The following GLRA3 variants were observed in gnomAD, a reference collection of about 807,000 sequenced individuals.
The protein encoded by GLRA3 is glycine receptor subunit alpha-3.
GLRA3 carries 44 observed loss-of-function variants against 60.4 expected under a neutral mutation model. That is an observed-to-expected ratio of 0.73 (90% CI 0.57 to 0.94). GLRA3 has a LOEUF of 0.94. GLRA3 is among the 40% of genes least tolerant of loss of function. The probability of loss-of-function intolerance (pLI) is 0.00; values close to 1 mark genes in which losing one functional copy is unlikely to be tolerated. For missense variants in GLRA3, 508 were observed against 564.6 expected, an observed-to-expected ratio of 0.90 and a Z score of 1.02; for synonymous variants, 223 against 192.9, an observed-to-expected ratio of 1.16 and a Z score of -1.29.
chr4:174,792,618 C>A (rs561164611), intron 1 of GLRA3, among the ~76,000 whole-genome samples: 1 of 152,120 alleles, frequency 6.6e-6, no homozygotes, highest in African/African-American at 2.4e-5. Flanking sequence ...CAATGCTTTC[C>A]GTTTAACATT....
At chr4:174,700,779 G>C (rs982379201) in intron 5 of GLRA3, among the ~76,000 whole-genome samples, 1 of 152,190 alleles carries the variant, frequency 6.6e-6, no homozygotes, top group African/African-American at 2.4e-5. Context: ...TGAGTGGTCT[G>C]CATAGATCAA....
At chr4:174,696,646 G>T (rs2111032634) in intron 5 of GLRA3, among the ~76,000 whole-genome samples, 1 of 151,998 alleles carries the variant, frequency 6.6e-6, no homozygotes, top group African/African-American at 2.4e-5. Context: ...CATGAGATTA[G>T]ATAAAAAACC....
chr4:174,783,336 T>G (rs578104394), intron 2 of GLRA3, among the ~76,000 whole-genome samples: 1 of 137,612 alleles, frequency 7.3e-6, no homozygotes, highest in Admixed American at 7.2e-5. Flanking sequence ...GATTAAAGAC[T>G]TACATGTTAG....
intron 3 of GLRA3, 148 bp from the exon 4 acceptor site, chr4:174,728,846 C>T (rs1736432629): frequency 3.6e-6 from 2 of 556,512 alleles, no homozygotes; most frequent in South Asian, 5.2e-5. Context: ...ATGGAGGAGG[C>T]TATACAAGTG....
chr4:174,715,158 C>T (rs765821167), intron 5 of GLRA3, among the ~76,000 whole-genome samples: 1 of 152,122 alleles, frequency 6.6e-6, no homozygotes, highest in Non-Finnish European at 1.5e-5. Flanking sequence ...ATAGACACTT[C>T]GTTGAGAAGA....
chr4:174,743,905 C>A (rs1737124682), intron 3 of GLRA3, among the ~76,000 whole-genome samples: 1 of 150,096 alleles, frequency 6.7e-6, no homozygotes, highest in Non-Finnish European at 1.5e-5. Context: ...AGAACAGGAC[C>A]CCCTCTCTTG....
At chr4:174,725,219 C>T (rs1031374158) in intron 4 of GLRA3, among the ~76,000 whole-genome samples, 5 of 152,204 alleles carry the variant, frequency 3.3e-5, no homozygotes, top group Admixed American at 6.5e-5. Context: ...ATCTCTGTTG[C>T]TCAGATTGGG....
At chr4:174,820,565 T>C (rs1312377845) in intron 1 of GLRA3, among the ~76,000 whole-genome samples, 1 of 152,116 alleles carries the variant, frequency 6.6e-6, no homozygotes. Flanking sequence ...AGAGGAAGCA[T>C]CCTCACCTAG....
intron 3 of GLRA3, among the ~76,000 whole-genome samples, chr4:174,749,212 C>T (rs1737365816): frequency 6.6e-6 from 1 of 152,122 alleles, no homozygotes; most frequent in South Asian, 2.1e-4. Context: ...CTGATTCAGG[C>T]AAGGGTAGCA....
chr4:174,710,068 C>T (rs1735658929), intron 5 of GLRA3, among the ~76,000 whole-genome samples: 2 of 151,080 alleles, frequency 1.3e-5, no homozygotes, highest in South Asian at 4.2e-4. Context: ...TAAAATATCA[C>T]AAAGAGTTCC....
chr4:174,654,847 G>A (rs1157191565), intron 9 of GLRA3, among the ~76,000 whole-genome samples: 4 of 152,036 alleles, frequency 2.6e-5, no homozygotes, highest in African/African-American at 4.8e-5. Context: ...GGTGCAGTGC[G>A]TAATCAGCAC....
chr4:174,805,985 C>T (rs1740034714), intron 1 of GLRA3, among the ~76,000 whole-genome samples: 1 of 152,024 alleles, frequency 6.6e-6, no homozygotes, highest in African/African-American at 2.4e-5. Context: ...CATGTGGAGC[C>T]TTTGTCCGGA....
intron 3 of GLRA3, among the ~76,000 whole-genome samples, chr4:174,731,417 A>G (rs1736540401): frequency 6.6e-6 from 1 of 152,204 alleles, no homozygotes; most frequent in Non-Finnish European, 1.5e-5. Context: ...TGCCTGTAAT[A>G]AAATTCCCTG....
intron 5 of GLRA3, among the ~76,000 whole-genome samples, chr4:174,709,771 T>C (rs1735644216): frequency 6.6e-6 from 1 of 152,084 alleles, no homozygotes; most frequent in South Asian, 2.1e-4. Flanking sequence ...CCACATTTTT[T>C]CCTTTGACTT....
chr4:174,778,051 T>C (rs1050967543), intron 2 of GLRA3, among the ~76,000 whole-genome samples: 2 of 152,150 alleles, frequency 1.3e-5, no homozygotes, highest in African/African-American at 2.4e-5. Context: ...TGTATGTATA[T>C]ATATATATAA....
At chr4:174,670,783 T>C (rs930181588) in intron 7 of GLRA3, among the ~76,000 whole-genome samples, 4 of 152,138 alleles carry the variant, frequency 2.6e-5, no homozygotes, top group African/African-American at 9.7e-5. Context: ...TGATGAAATC[T>C]AGTAAGTCTA....
Position 174,676,736 on chromosome 4 carries a change from CA to C in GLRA3, c.927+341del, listed in dbSNP as rs1479315718. Among the ~76,000 whole-genome samples the C allele has an allele frequency of 5.3e-5, 8 of 151,980 alleles. No individual in the cohort carries two copies. The South Asian group carries it at 1.7e-3, about 31-fold the overall frequency. On this transcript the variant is annotated intron_variant, in intron 7 of 9. Coordinates refer to ENST00000274093, the MANE Select transcript of GLRA3 (RefSeq NM_006529.4). ...TCCATACAATGGAGTACTATGCCAC[CA>C]TTTAAAATTACCATGTAGATTCAAC...
chr4:174,674,809 T>C (rs979196549), intron 7 of GLRA3, among the ~76,000 whole-genome samples: 32 of 152,296 alleles, frequency 2.1e-4, no homozygotes, highest in African/African-American at 7.2e-4. Context: ...TTTTGTGAGA[T>C]TGAGAACAGA....
chr4:174,689,044 A>C (rs1734677003), intron 5 of GLRA3, among the ~76,000 whole-genome samples: 1 of 152,188 alleles, frequency 6.6e-6, no homozygotes, highest in Non-Finnish European at 1.5e-5. Flanking sequence ...TTCAGGTATA[A>C]GAGACATTCA....
Sources: gnomAD v4.1 joint callset for allele counts (sites outside exome capture counted in the v4.1 genomes callset) on GRCh38, gnomAD v4.1.1 for gene constraint, MANE v1.5 for transcripts, NCBI Gene and HGNC (gene_info 2026-07-23, HGNC 2026-07-21) for gene names.